PRPS1: variants seen among roughly 807,000 people sequenced by gnomAD.
The protein encoded by PRPS1 is ribose-phosphate pyrophosphokinase 1.
In PRPS1, 1 loss-of-function variant was observed where a neutral mutation model predicts 16.9. The observed-to-expected ratio is 0.06, with a 90% CI of 0.02 to 0.28. The LOEUF is 0.28. Ranked by LOEUF, PRPS1 falls within the 10% of genes least tolerant of loss-of-function variation. PRPS1 has a pLI of 1.00. For synonymous variants in PRPS1, 70 were observed against 90.2 expected (o/e 0.78, Z 1.27); for missense variants, 47 against 254.0 (o/e 0.19, Z 5.54).
intron 1 of PRPS1, among the ~76,000 whole-genome samples, chrX:107,631,989 A>G (rs1319135734): frequency 8.9e-6 from 1 of 112,497 alleles, no homozygotes; most frequent in Non-Finnish European, 1.9e-5. Flanking sequence ...GTGCCCGGCT[A>G]TAATATTTAA....
rs1390229505 is a variant in PRPS1 at position 107,639,513 on chromosome X, G to A, written c.306+35G>A. The A allele has an allele frequency of 2.5e-6, 3 of 1,182,721 alleles. No homozygotes were observed. The East Asian group carries it at 8.9e-5, about 35-fold the overall frequency. ...GAATTTTATTTTTTGAGCAGAGGAA[G>A]CAGGAGCACTTGCCCCAAATCACAA... On this transcript the variant is annotated intron_variant, in intron 2 of 6. Transcript: ENST00000372435.
At chrX:107,635,355 C>T (rs1807944414) in intron 1 of PRPS1, among the ~76,000 whole-genome samples, 1 of 111,834 alleles carries the variant, frequency 8.9e-6, no homozygotes, top group African/African-American at 3.3e-5. Flanking sequence ...AATATGCCTG[C>T]CTGACTTTCA....
At position 107,639,486 on chromosome X, in the gene PRPS1, C is replaced by T. The variant is rs1328092162; in HGVS notation, c.306+8C>T. 2 of 1,208,712 alleles carry T rather than the reference C, an allele frequency of 1.7e-6. No individual in the cohort carries two copies. Among genetic ancestry groups the T allele is most frequent in the African/African-American group, 3.5e-5 (2 of 57,169 alleles). On this transcript the variant is annotated splice_region_variant and intron_variant, in intron 2 of 6. Transcript: ENST00000372435. The stretch of plus-strand genomic sequence containing the variant: ...CAGGATAAGAAAGATAAGGTAGGAG[C>T]AGAATTTTATTTTTTGAGCAGAGGA...
At chrX:107,637,628 AT>A (rs1193072938) in intron 1 of PRPS1, among the ~76,000 whole-genome samples, 1 of 110,920 alleles carries the variant, frequency 9.0e-6, no homozygotes, top group Non-Finnish European at 1.9e-5. Flanking sequence ...CATTTCATGC[AT>A]CTTTTTCGTG....
intron 4 of PRPS1, 72 bp from the exon 5 acceptor site, chrX:107,645,105 C>T: frequency 8.7e-7 from 1 of 1,155,770 alleles, no homozygotes; most frequent in Non-Finnish European, 1.2e-6. Flanking sequence ...TGAGCCACCG[C>T]CCCCGGCCTC....
chrX:107,649,444 G>C (rs1432211643), intron 6 of PRPS1, among the ~76,000 whole-genome samples: 1 of 110,158 alleles, frequency 9.1e-6, no homozygotes, highest in Non-Finnish European at 1.9e-5. Context: ...TCTTTCCTAA[G>C]TGGCTGTTTT....
chrX:107,647,563 A>G (rs1351827310), intron 5 of PRPS1, 43 bp from the exon 6 acceptor site: 12 of 1,200,955 alleles, frequency 1.0e-5, no homozygotes, highest in South Asian at 3.5e-5. Context: ...AAATTCTGCA[A>G]TGACAAGTAA....
chrX:107,629,128 G>T (rs1335499680), intron 1 of PRPS1, among the ~76,000 whole-genome samples: 1 of 111,491 alleles, frequency 9.0e-6, no homozygotes, highest in East Asian at 2.8e-4. Flanking sequence ...GGTTGCTTCA[G>T]CTCTTAGACT....
chrX:107,630,573 ATT>A (rs200870825), intron 1 of PRPS1, among the ~76,000 whole-genome samples: 1 of 109,485 alleles, frequency 9.1e-6, no homozygotes, highest in Non-Finnish European at 1.9e-5. Context: ...ACATAATCAC[ATT>A]TTTTTTTATG....
chrX:107,628,536 A>C lies in PRPS1; in HGVS notation c.-93A>C. The C allele has an allele frequency of 3.3e-6, 4 of 1,194,396 alleles. No homozygotes were observed. Among genetic ancestry groups the C allele is most frequent in the Non-Finnish European group, 3.4e-6 (3 of 882,285 alleles). ...ATGTAAGATGGCGGAGTAGCAACGCAAAGCGCTTGGTATTGAGTCTGTGGC... is the reference window on the plus strand; with the variant it reads ...ATGTAAGATGGCGGAGTAGCAACGCCAAGCGCTTGGTATTGAGTCTGTGGC... On this transcript the variant is annotated 5_prime_UTR_variant, in exon 1 of 7. Coordinates refer to ENST00000372435, the MANE Select transcript of PRPS1 (RefSeq NM_002764.4).
rs147896410 is a variant in PRPS1 at position 107,639,349 on chromosome X, T to A, written c.177T>A (p.Gly59=). ...AGGATGTCTACATTGTTCAGAGTGG[T>A]TGTGGCGAAATCAATGACAATTTAA... ...RGEDVYIVQS[G]CGEINDNLME... Residue 59 remains glycine, a synonymous_variant, in exon 2 of 7, where the codon GGT becomes GGA. Transcript: ENST00000372435. 9 of 1,209,577 alleles carry A rather than the reference T, an allele frequency of 7.4e-6. No individual in the cohort carries two copies. The highest frequency in any genetic ancestry group is 1.0e-5 in the Non-Finnish European group (9 of 895,087).
chrX:107,641,241 T>C, intron 3 of PRPS1: 1 of 813,746 alleles, frequency 1.2e-6, no homozygotes, highest in Non-Finnish European at 1.7e-6. Context: ...CTCTGGTATT[T>C]ACTAGCTTTG....
intron 4 of PRPS1, among the ~76,000 whole-genome samples, chrX:107,644,910 G>A (rs1925656128): frequency 9.0e-6 from 1 of 111,172 alleles, no homozygotes; most frequent in Admixed American, 9.6e-5. Context: ...CAGCTCCTGG[G>A]TTCACGCCAT....
intron 1 of PRPS1, among the ~76,000 whole-genome samples, chrX:107,637,805 G>A (rs1451257093): frequency 9.1e-6 from 1 of 109,888 alleles, no homozygotes. Context: ...ACCATTCACA[G>A]CATACTAGTA....
intron 1 of PRPS1, among the ~76,000 whole-genome samples, chrX:107,636,380 A>G (rs919709579): frequency 1.8e-5 from 2 of 112,450 alleles, no homozygotes; most frequent in African/African-American, 6.5e-5. Context: ...TTGGCCTCCC[A>G]AAGTGCTGGG....
At chrX:107,635,977 T>G (rs1322668837) in intron 1 of PRPS1, among the ~76,000 whole-genome samples, 5 of 104,079 alleles carry the variant, frequency 4.8e-5, no homozygotes, top group Non-Finnish European at 9.8e-5. Context: ...GGAGAATCAC[T>G]TGAACCCGGG....
chrX:107,638,290 G>A (rs1925489017), intron 1 of PRPS1, among the ~76,000 whole-genome samples: 1 of 111,228 alleles, frequency 9.0e-6, no homozygotes, highest in South Asian at 3.8e-4. Context: ...TTATACTTTA[G>A]TAGAGATGGG....
chrX:107,638,819 G>A (rs997873347), intron 1 of PRPS1, among the ~76,000 whole-genome samples: 6 of 110,931 alleles, frequency 5.4e-5, no homozygotes, highest in Non-Finnish European at 7.5e-5. Context: ...TGCAACCTCC[G>A]CCTCCTGAGT....
In PRPS1 at chrX:107,645,163, G is replaced by T. The variant is rs755451906; in HGVS notation, c.531-14G>T. 8.3e-7 allele frequency: 1 copy of T among 1,211,207 alleles called. No individual in the cohort carries two copies. Among genetic ancestry groups the T allele is most frequent in the Non-Finnish European group, 1.1e-6 (1 of 894,974 alleles). The stretch of plus-strand genomic sequence containing the variant: ...AGAAGCCACACATACATATGAACAC[G>T]CTCTGTTTTGCAGAGTGACCTCCAT... On this transcript the variant is annotated splice_polypyrimidine_tract_variant and intron_variant, in intron 4 of 6. Transcript: ENST00000372435.
Sources: gnomAD v4.1 joint callset for allele counts (sites outside exome capture counted in the v4.1 genomes callset) on GRCh38, gnomAD v4.1.1 for gene constraint, MANE v1.5 for transcripts, NCBI Gene and HGNC (gene_info 2026-07-23, HGNC 2026-07-21) for gene names.